The following COG6 variants were observed in gnomAD, a reference collection of about 807,000 sequenced individuals.
The protein encoded by COG6 is conserved oligomeric Golgi complex subunit 6.
In COG6, 74 loss-of-function variants were observed where a neutral mutation model predicts 88.8. The observed-to-expected ratio is 0.83, with a 90% CI of 0.69 to 1.01. The LOEUF is 1.01. Ranked by LOEUF, COG6 falls within the 50% of genes least tolerant of loss-of-function variation. The pLI, the probability that COG6 is intolerant of heterozygous loss-of-function variation, is 0.00. For missense variants in COG6, 800 were observed against 797.9 expected (o/e 1.00, Z -0.03); for synonymous variants, 286 against 278.7 (o/e 1.03, Z -0.26).
At chr13:39,660,960 TC>T in intron 3 of COG6, 79 bp downstream of exon 3, 1 of 851,404 alleles carries the variant, frequency 1.2e-6, no homozygotes, top group Non-Finnish European at 2.0e-6. Context: ...TGTGTAGATA[TC>T]TAATCCATAA....
chr13:39,724,898 T>C (rs565133741), intron 17 of COG6, among the ~76,000 whole-genome samples: 2 of 151,956 alleles, frequency 1.3e-5, no homozygotes, highest in African/African-American at 2.4e-5. Flanking sequence ...TATAAACTTA[T>C]TACTACCTTG....
rs1876043194 is a variant in COG6, at chr13:39,677,528, T to C, written c.489T>C (p.Thr163=). Reference sequence around the variant, plus strand: ...CCTTCTTATCCAAGTTCCAACTGACTTCTGATGAAATGAGTCTTCTCCGAG... The same window carrying C: ...CCTTCTTATCCAAGTTCCAACTGACCTCTGATGAAATGAGTCTTCTCCGAG... The part of the protein sequence containing the change: ...ADAFLSKFQL[T]SDEMSLLRGT... The change falls in exon 5 of 19, where the codon ACT becomes ACC. Residue 163 remains threonine (T), a synonymous_variant. Transcript: ENST00000455146. 4 of 1,613,480 alleles carry C rather than the reference T, an allele frequency of 2.5e-6. No individual in the cohort carries two copies. Among genetic ancestry groups the C allele is most frequent in the Non-Finnish European group, 3.4e-6 (4 of 1,179,598 alleles).
At position 39,732,902 on chromosome 13, in the gene COG6, A is replaced by G. The variant is rs140516169; in HGVS notation, c.1826+5354A>G. On this transcript the variant is annotated intron_variant, in intron 18 of 18. Coordinates refer to ENST00000455146, the MANE Select transcript of COG6 (RefSeq NM_020751.3). ...AAGAAATTAAATACCAAAGTATACC[A>G]TAATCAAATTATTGAAAACCAGTGA... Among the ~76,000 whole-genome samples the G allele has an allele frequency of 1.8e-3, 268 of 152,316 alleles. 3 individuals carry two copies. The highest frequency in any genetic ancestry group is 0.016 in the Admixed American group (241 of 15,298).
intron 18 of COG6, among the ~76,000 whole-genome samples, chr13:39,782,779 G>A (rs370153059): frequency 6.6e-6 from 1 of 152,146 alleles, no homozygotes; most frequent in Non-Finnish European, 1.5e-5. Context: ...CGGTGCTCAG[G>A]GGGGAACAGC....
intron 13 of COG6, among the ~76,000 whole-genome samples, chr13:39,703,340 A>C (rs9548889): frequency 0.23 from 35,361 of 151,890 alleles, 4,346 homozygotes; most frequent in Non-Finnish European, 0.28. Context: ...GATTTCTGTG[A>C]TTCTAGTGAG....
At chr13:39,779,305 A>T (rs1302246538) in intron 18 of COG6, among the ~76,000 whole-genome samples, 1 of 152,236 alleles carries the variant, frequency 6.6e-6, no homozygotes, top group African/African-American at 2.4e-5. Flanking sequence ...TTGACCTGTG[A>T]TAGAGCTAAT....
rs1236184404 is a variant in COG6, at chr13:39,751,319, AT to A, written c.*233del. The A allele has an allele frequency of 4.1e-6, 6 of 1,479,122 alleles. No individual in the cohort carries two copies. Among genetic ancestry groups the A allele is most frequent in the East Asian group, 2.8e-5 (1 of 36,318 alleles). 91.6% of individuals were successfully genotyped at this position (1,479,122 alleles called of 1,614,324 possible). ...GTATCTACTCTAAATGAGATGATCT[AT>A]TTTTTTGCTAGCCATCTCTCCAGCT... On this transcript the variant is annotated 3_prime_UTR_variant, in exon 19 of 19. Transcript: ENST00000455146.
chr13:39,719,548 A>G (rs1878732526), intron 14 of COG6, 112 bp from the exon 15 acceptor site: 2 of 1,210,834 alleles, frequency 1.7e-6, no homozygotes, highest in East Asian at 2.4e-5. Context: ...ATCTTTTCCT[A>G]CGTGCTTCTA....
rs753549156 is a variant in COG6, at chr13:39,687,708, G to A, written c.918G>A (p.Arg306=). The A allele has an allele frequency of 6.2e-6, 10 of 1,613,940 alleles. No individual in the cohort carries two copies. In the East Asian group the frequency reaches 1.8e-4, roughly 29 times the overall value. ...PIEMHSHDPL[R]YVGDMLAWLH... The stretch of plus-strand genomic sequence containing the variant: ...TTCATTAACATTTAGTTTTCATTAG[G>A]TATGTAGGAGATATGTTGGCTTGGC... Residue 306 remains arginine (R), a splice_region_variant and synonymous_variant, in exon 10 of 19, where the codon AGG becomes AGA. Coordinates refer to ENST00000455146, the MANE Select transcript of COG6 (RefSeq NM_020751.3).
rs1398164198 is a variant in COG6 at position 39,752,282 on chromosome 13, G to A, written c.*1189G>A. 2.3e-6 allele frequency: 2 copies of A among 886,534 alleles called. No homozygotes were observed. Among genetic ancestry groups the A allele is most frequent in the Non-Finnish European group, 3.0e-6 (2 of 663,830 alleles). 54.9% of individuals were successfully genotyped at this position (886,534 alleles called of 1,614,324 possible). A position where few individuals can be genotyped will look rare whatever the true frequency, so the allele number is the denominator to read the frequency against. ...AAGTAATAACATAAAACTAGTATTT[G>A]TAGAAGATTATGTGTTGTATATAAC... On this transcript the variant is annotated 3_prime_UTR_variant, in exon 19 of 19. Transcript: ENST00000455146.
intron 18 of COG6, among the ~76,000 whole-genome samples, chr13:39,759,690 T>C (rs185590672): frequency 1.8e-3 from 281 of 152,302 alleles, no homozygotes; most frequent in African/African-American, 6.5e-3. Context: ...ATGAAATTTC[T>C]ATAAACTAGC....
chr13:39,665,291 C>G (rs1875181364), intron 4 of COG6, 137 bp downstream of exon 4: 2 of 615,868 alleles, frequency 3.2e-6, no homozygotes, highest in African/African-American at 3.7e-5. Flanking sequence ...ATTATATTAC[C>G]CAATAGTAAC....
chr13:39,776,140 A>G (rs1305420752), intron 18 of COG6, among the ~76,000 whole-genome samples: 1 of 152,222 alleles, frequency 6.6e-6, no homozygotes, highest in African/African-American at 2.4e-5. Context: ...TAAAAGATAA[A>G]GAAAACAACT....
At chr13:39,774,065 G>A (rs951135695) in intron 18 of COG6, among the ~76,000 whole-genome samples, 1 of 152,008 alleles carries the variant, frequency 6.6e-6, no homozygotes, top group Admixed American at 6.6e-5. Context: ...GGAAATGACC[G>A]GCTGACTGCT....
At chr13:39,788,325 T>C in intron 18 of COG6, 1 of 1,551,766 alleles carries the variant, frequency 6.4e-7, no homozygotes, top group Non-Finnish European at 8.7e-7. Flanking sequence ...TTGTTGGCAT[T>C]TGCTCACAGG....
chr13:39,655,908 C>T (rs758286761), intron 1 of COG6, 29 bp downstream of exon 1: 8 of 1,591,248 alleles, frequency 5.0e-6, no homozygotes, highest in East Asian at 2.3e-5. Flanking sequence ...GCCGGAGTCA[C>T]AGGTTCCTGC....
At chr13:39,706,219 ATATATATATACTCCTT>A (rs1156828452) in intron 13 of COG6, among the ~76,000 whole-genome samples, 12 of 128,056 alleles carry the variant, frequency 9.4e-5, no homozygotes, top group African/African-American at 3.1e-4. Context: ...ACTCCTTTAT[ATATATATATACTCCTT>A]TATATATATA....
chr13:39,696,752 A>C (rs890002034), intron 12 of COG6, among the ~76,000 whole-genome samples: 1 of 151,364 alleles, frequency 6.6e-6, no homozygotes, highest in Non-Finnish European at 1.5e-5. Context: ...GAGTGACCTG[A>C]GCAGATTTGT....
chr13:39,704,939 C>T (rs1451060260), intron 13 of COG6, among the ~76,000 whole-genome samples: 1 of 152,046 alleles, frequency 6.6e-6, no homozygotes, highest in Non-Finnish European at 1.5e-5. Flanking sequence ...TGTTATGATT[C>T]TCTTTACAAC....
Sources: gnomAD v4.1 joint callset for allele counts (sites outside exome capture counted in the v4.1 genomes callset) on GRCh38, gnomAD v4.1.1 for gene constraint, MANE v1.5 for transcripts, NCBI Gene and HGNC (gene_info 2026-07-23, HGNC 2026-07-21) for gene names.